HCN1: variants seen among roughly 807,000 people sequenced by gnomAD.
HCN1 encodes the protein potassium/sodium hyperpolarization-activated cyclic nucleotide-gated channel 1.
A neutral mutation model predicts 78.9 loss-of-function variants in HCN1; 13 were observed. The ratio of observed to expected loss-of-function variants is 0.16; its 90% CI spans 0.11 to 0.26. The LOEUF (loss-of-function observed/expected upper bound fraction) is 0.26. HCN1 is among the 10% of genes least tolerant of loss of function. The probability of loss-of-function intolerance (pLI) is 1.00; values close to 1 mark genes in which losing one functional copy is unlikely to be tolerated. For missense variants in HCN1, 810 were observed against 1,154.3 expected (o/e 0.70, Z 4.32); for synonymous variants, 552 against 455.5 (o/e 1.21, Z -2.70).
intron 2 of HCN1, among the ~76,000 whole-genome samples, chr5:45,519,962 G>C (rs1320212540): frequency 6.6e-6 from 1 of 151,902 alleles, no homozygotes; most frequent in Non-Finnish European, 1.5e-5. Flanking sequence ...ACAGTTATCT[G>C]CATTCTTAGT....
chr5:45,304,447 G>A (rs1170374789), intron 5 of HCN1, among the ~76,000 whole-genome samples: 1 of 152,050 alleles, frequency 6.6e-6, no homozygotes, highest in African/African-American at 2.4e-5. Flanking sequence ...GGAGGCCAAG[G>A]CGGGTGGATC....
intron 2 of HCN1, among the ~76,000 whole-genome samples, chr5:45,482,066 CA>C (rs1195746738): frequency 1.3e-5 from 2 of 152,312 alleles, no homozygotes; most frequent in Admixed American, 6.5e-5. Flanking sequence ...TTTCAATTGC[CA>C]ATCTGTTTCC....
chr5:45,268,609 C>G (rs561471539), intron 6 of HCN1, among the ~76,000 whole-genome samples: 97 of 152,268 alleles, frequency 6.4e-4, no homozygotes, highest in African/African-American at 2.3e-3. Context: ...TATGCAAACT[C>G]TGAGAATACT....
At chr5:45,658,646 C>T (rs970491287) in intron 1 of HCN1, among the ~76,000 whole-genome samples, 66 of 151,412 alleles carry the variant, frequency 4.4e-4, no homozygotes, top group Admixed American at 2.3e-3. Flanking sequence ...ACCTGGGAAG[C>T]GCAAGGGGTC....
At chr5:45,646,973 A>G (rs891579744) in intron 1 of HCN1, among the ~76,000 whole-genome samples, 9 of 152,244 alleles carry the variant, frequency 5.9e-5, no homozygotes, top group Non-Finnish European at 1.3e-4. Context: ...AGACTATTTG[A>G]GCTACATTTT....
At chr5:45,306,649 A>G (rs1247658075) in intron 5 of HCN1, among the ~76,000 whole-genome samples, 1 of 152,148 alleles carries the variant, frequency 6.6e-6, no homozygotes, top group African/African-American at 2.4e-5. Flanking sequence ...ACAATCATGT[A>G]AGTATAGAAT....
intron 2 of HCN1, among the ~76,000 whole-genome samples, chr5:45,478,237 T>C (rs547566453): frequency 6.6e-6 from 1 of 152,056 alleles, no homozygotes; most frequent in Non-Finnish European, 1.5e-5. Context: ...GGCCAAATAA[T>C]GTACATAGGG....
At chr5:45,446,038 G>C (rs532797856) in intron 3 of HCN1, among the ~76,000 whole-genome samples, 52 of 152,326 alleles carry the variant, frequency 3.4e-4, no homozygotes, top group African/African-American at 1.2e-3. Flanking sequence ...GCTGGACAGA[G>C]AATGACTTTG....
intron 2 of HCN1, among the ~76,000 whole-genome samples, chr5:45,613,309 C>T (rs916215365): frequency 5.3e-5 from 8 of 151,982 alleles, no homozygotes; most frequent in Admixed American, 4.6e-4. Context: ...CCAATTTCAT[C>T]CATGTCCCTA....
At chr5:45,604,302 G>C (rs764682625) in intron 2 of HCN1, among the ~76,000 whole-genome samples, 14 of 151,738 alleles carry the variant, frequency 9.2e-5, no homozygotes, top group Non-Finnish European at 1.9e-4. Flanking sequence ...AAGTGATACC[G>C]CCAGCAAGTG....
chr5:45,336,222 C>T (rs2111959079), intron 5 of HCN1, among the ~76,000 whole-genome samples: 1 of 152,066 alleles, frequency 6.6e-6, no homozygotes, highest in South Asian at 2.1e-4. Flanking sequence ...CAGACTCATA[C>T]ATTTGACTAG....
chr5:45,591,913 A>G (rs1259812179), intron 2 of HCN1, among the ~76,000 whole-genome samples: 1 of 151,906 alleles, frequency 6.6e-6, no homozygotes, highest in Non-Finnish European at 1.5e-5. Context: ...GGAGTTTTAT[A>G]GTTTTGTATT....
At position 45,568,795 on chromosome 5, in the gene HCN1, C is replaced by T. The variant is rs529765717; in HGVS notation, c.849+76390G>A. Among the ~76,000 whole-genome samples the T allele has an allele frequency of 6.6e-5, 10 of 151,978 alleles. No homozygotes were observed. The East Asian group carries it at 1.6e-3, about 24-fold the overall frequency. ...AGTAGCTTTATTTTAAAATTATGTA[C>T]GTAAGGGCTCGGAAAACAATACATC... On this transcript the variant is annotated intron_variant, in intron 2 of 7. Coordinates refer to ENST00000303230, the MANE Select transcript of HCN1 (RefSeq NM_021072.4).
In HCN1 at chr5:45,261,844, G is replaced by T; in HGVS notation, c.*77C>A. On this transcript the variant is annotated 3_prime_UTR_variant, in exon 8 of 8. Coordinates refer to ENST00000303230, the MANE Select transcript of HCN1 (RefSeq NM_021072.4). ...ATAGTAGGCTAGAGGGATCTATCAGGAGATAGAATAAAATAAGATCTGAGT... is the reference window on the plus strand; with the variant it reads ...ATAGTAGGCTAGAGGGATCTATCAGTAGATAGAATAAAATAAGATCTGAGT... The T allele has an allele frequency of 6.6e-7, 1 of 1,513,854 alleles. No homozygotes were observed. The allele number at this position is 1,513,854 out of a possible 1,614,324, so 93.8% of individuals were successfully genotyped here.
At chr5:45,511,002 CATGTAGGTAATATG>C (rs764758922) in intron 2 of HCN1, among the ~76,000 whole-genome samples, 1 of 151,690 alleles carries the variant, frequency 6.6e-6, no homozygotes, top group Non-Finnish European at 1.5e-5. Context: ...TGAATTTCAT[CATGTAGGTAATATG>C]ATGTAAGCAG....
chr5:45,329,399 A>G (rs1486214220), intron 5 of HCN1, among the ~76,000 whole-genome samples: 2 of 151,486 alleles, frequency 1.3e-5, no homozygotes, highest in Non-Finnish European at 3.0e-5. Flanking sequence ...GAGATAAACA[A>G]TGTCACTCAG....
At chr5:45,690,313 A>C (rs530294455) in intron 1 of HCN1, among the ~76,000 whole-genome samples, 1 of 152,172 alleles carries the variant, frequency 6.6e-6, no homozygotes, top group Admixed American at 6.5e-5. Context: ...CTATTAGACA[A>C]AATAGAAAAA....
At chr5:45,403,095 A>G (rs1444113064) in intron 3 of HCN1, among the ~76,000 whole-genome samples, 1 of 152,116 alleles carries the variant, frequency 6.6e-6, no homozygotes, top group Non-Finnish European at 1.5e-5. Context: ...ATGATTAGGC[A>G]TAAGGATCTT....
Position 45,299,970 on chromosome 5 carries a change from C to G in HCN1, c.1618+3629G>C, listed in dbSNP as rs537645642. Among the ~76,000 whole-genome samples, 5 of 151,902 alleles carry G rather than the reference C, an allele frequency of 3.3e-5. No homozygotes were observed. In the East Asian group the frequency reaches 9.7e-4, roughly 30 times the overall value. ...AAATAGTTTTTATCTCAGAAATGAT[C>G]TTATGGTTTAACACAAGGATATTCA... On this transcript the variant is annotated intron_variant, in intron 6 of 7. Coordinates refer to ENST00000303230, the MANE Select transcript of HCN1 (RefSeq NM_021072.4).
Sources: allele counts gnomAD v4.1 joint callset (sites outside exome capture counted in the v4.1 genomes callset), GRCh38; gene constraint gnomAD v4.1.1; transcripts MANE v1.5; gene names NCBI Gene and HGNC (gene_info 2026-07-23, HGNC 2026-07-21).